The following TTC34 variants were observed in gnomAD, a reference collection of about 807,000 sequenced individuals.
The protein encoded by TTC34 is tetratricopeptide repeat protein 34.
A neutral mutation model predicts 40.7 loss-of-function variants in TTC34; 44 were observed. The observed-to-expected ratio is 1.08, with a 90% CI of 0.85 to 1.39. TTC34 has a LOEUF of 1.39. Ranked by LOEUF, TTC34 falls within the 40% of genes most tolerant of loss-of-function variation. TTC34 has a pLI of 0.00. For synonymous variants in TTC34, 422 were observed against 398.6 expected (o/e 1.06, Z -0.70); for missense variants, 884 against 838.0 (o/e 1.05, Z -0.68).
At chr1:2,759,678 A>G (rs1437226746) in intron 6 of TTC34, among the ~76,000 whole-genome samples, 5,879 of 27,238 alleles carry the variant, frequency 0.22, 2 homozygotes, top group Admixed American at 0.26. Context: ...AGCACCAACA[A>G]CCCCAGGCTT....
At chr1:2,753,579 C>G (rs1273962761) in intron 6 of TTC34, among the ~76,000 whole-genome samples, 3 of 63,648 alleles carry the variant, frequency 4.7e-5, no homozygotes, top group Middle Eastern at 0.012. Flanking sequence ...ACCCACACCC[C>G]CAGGTGAGCA....
intron 6 of TTC34, among the ~76,000 whole-genome samples, chr1:2,754,545 G>T (rs1641435826): frequency 5.0e-4 from 31 of 61,618 alleles, no homozygotes; most frequent in South Asian, 7.9e-4. Context: ...ATAACCACAG[G>T]TGAACATCGG....
intron 6 of TTC34, among the ~76,000 whole-genome samples, chr1:2,769,909 A>G (rs1287883382): frequency 1.2e-4 from 6 of 51,674 alleles, no homozygotes; most frequent in Non-Finnish European, 2.1e-4. Context: ...AGCTGCACCC[A>G]TACCCCCAGG....
intron 6 of TTC34, 110 bp downstream of exon 6, chr1:2,783,499 A>C: frequency 8.8e-7 from 1 of 1,137,008 alleles, no homozygotes; most frequent in Non-Finnish European, 1.1e-6. Context: ...TGGGCATCTC[A>C]CTGCTCAGGA....
At chr1:2,680,713 G>C (rs1372062710) in intron 6 of TTC34, among the ~76,000 whole-genome samples, 2 of 33,428 alleles carry the variant, frequency 6.0e-5, no homozygotes, top group Non-Finnish European at 1.7e-4. Context: ...CCCCAGGTGA[G>C]CATCCGACAG....
chr1:2,683,374 T>A (rs7415296), intron 6 of TTC34, among the ~76,000 whole-genome samples: 2 of 128,736 alleles, frequency 1.6e-5, no homozygotes, highest in South Asian at 2.3e-4. Flanking sequence ...ATCTGATGGC[T>A]TGGAACAGCA....
chr1:2,647,202 A>G (rs978608144), intron 6 of TTC34, among the ~76,000 whole-genome samples: 2 of 151,912 alleles, frequency 1.3e-5, no homozygotes, highest in African/African-American at 2.4e-5. Context: ...TTATTTCTTC[A>G]AATACCTGTG....
chr1:2,657,985 C>G (rs1639412164), intron 6 of TTC34, among the ~76,000 whole-genome samples: 2 of 116,476 alleles, frequency 1.7e-5, no homozygotes, highest in African/African-American at 5.4e-5. Flanking sequence ...CACCCACAAC[C>G]CCAAGTGAGC....
intron 6 of TTC34, among the ~76,000 whole-genome samples, chr1:2,674,221 TG>T (rs1191893226): frequency 1.1e-5 from 1 of 89,128 alleles, no homozygotes; most frequent in Non-Finnish European, 2.8e-5. Flanking sequence ...TCTGAGAGCC[TG>T]GAAAAGCTCC....
intron 6 of TTC34, among the ~76,000 whole-genome samples, chr1:2,688,464 C>G (rs551064473): frequency 9.9e-6 from 1 of 101,464 alleles, no homozygotes; most frequent in Non-Finnish European, 1.8e-5. Flanking sequence ...AGGTGAACAT[C>G]CGACATTGTG....
intron 5 of TTC34, among the ~76,000 whole-genome samples, chr1:2,784,470 T>C (rs879658045): frequency 1.3e-5 from 2 of 152,120 alleles, no homozygotes; most frequent in Non-Finnish European, 2.9e-5. Context: ...CAGCCTTCCA[T>C]AAGAAGCTGG....
intron 6 of TTC34, among the ~76,000 whole-genome samples, chr1:2,699,533 T>TC (rs1641031519): frequency 5.0e-5 from 1 of 19,942 alleles, no homozygotes; most frequent in Non-Finnish European, 1.3e-4. Context: ...ACCACCCACA[T>TC]CCCCAGGTGA....
Position 2,698,967 on chromosome 1 carries a change from G to GC in TTC34, c.2227-53405dup, listed in dbSNP as rs1318032272. Among the ~76,000 whole-genome samples, 65 of 78,694 alleles carry GC rather than the reference G, an allele frequency of 8.3e-4. 2 individuals are homozygous for GC. The highest frequency in any genetic ancestry group is 2.0e-3 in the East Asian group (5 of 2,440). The allele number at this position is 78,694 out of a possible 152,430, so 51.6% of individuals were successfully genotyped here. A position where few individuals can be genotyped will look rare whatever the true frequency, so the allele number is the denominator to read the frequency against. ...ATCTGACAGCCTGGAACATCACCCT[G>GC]CCCCCCCAGGTGAGCATCTGACAGC... On this transcript the variant is annotated intron_variant, in intron 6 of 8. Coordinates refer to ENST00000401095, the Ensembl canonical transcript of TTC34.
At chr1:2,752,589 G>A (rs1641360743) in intron 6 of TTC34, among the ~76,000 whole-genome samples, 1 of 51,878 alleles carries the variant, frequency 1.9e-5, no homozygotes, top group Non-Finnish European at 3.2e-5. Context: ...GTGAGAATCT[G>A]ACAACCTGGA....
chr1:2,777,565 TGAGA>T (rs1416524949), intron 6 of TTC34, among the ~76,000 whole-genome samples: 1 of 152,124 alleles, frequency 6.6e-6, no homozygotes, highest in African/African-American at 2.4e-5. Context: ...AAACCAAGGC[TGAGA>T]GACAGGACAG....
At chr1:2,753,465 G>A (rs1447101508) in intron 6 of TTC34, among the ~76,000 whole-genome samples, 17 of 32,724 alleles carry the variant, frequency 5.2e-4, no homozygotes, top group African/African-American at 1.8e-3. Context: ...ACCCCCAGGT[G>A]TGCACGTGAC....
intron 6 of TTC34, among the ~76,000 whole-genome samples, chr1:2,772,847 C>CACACACA (rs1642462304): frequency 1.1e-5 from 1 of 88,174 alleles, no homozygotes. Flanking sequence ...CCTGGAACAG[C>CACACACA]ACCCCACACC....
In TTC34 at chr1:2,645,117, C is replaced by G. The variant is rs1570746406; in HGVS notation, c.2497+176G>C. Among the ~76,000 whole-genome samples the G allele has an allele frequency of 1.3e-5, 2 of 152,138 alleles. No homozygotes were observed. Among genetic ancestry groups the G allele is most frequent in the East Asian group, 3.9e-4 (2 of 5,190 alleles). On this transcript the variant is annotated intron_variant, in intron 7 of 8. Transcript: ENST00000401095. This position sits in a 1 kb window ranked among gnomAD's most constrained non-coding sequence, Gnocchi z 4.7. ...AAAGCAGAGGAGAGCCTTTTGAACG[C>G]CAGGCCTCACACAGGGAGCAGGGCC...
intron 6 of TTC34, among the ~76,000 whole-genome samples, chr1:2,783,222 T>TCTA (rs1215344766): frequency 3.3e-5 from 5 of 152,186 alleles, no homozygotes; most frequent in Non-Finnish European, 7.3e-5. Flanking sequence ...GTGCATGTCC[T>TCTA]CTAAACCCCT....
Sources: gnomAD v4.1 joint callset for allele counts (sites outside exome capture counted in the v4.1 genomes callset) on GRCh38, gnomAD v4.1.1 for gene constraint, Gnocchi (gnomAD v3.1) non-coding constraint, MANE v1.5 for transcripts, NCBI Gene and HGNC (gene_info 2026-07-23, HGNC 2026-07-21) for gene names.